Variants in CYP3A7 observed in about 807,000 individuals in gnomAD.
The protein encoded by CYP3A7 is cytochrome P450 family 3 subfamily A member 7.
Under a neutral mutation model 55.2 loss-of-function variants are expected in CYP3A7, and 45 were observed. That is an observed-to-expected ratio of 0.82 (90% CI 0.64 to 1.05). The LOEUF is 1.05. CYP3A7 is among the 50% of genes least tolerant of loss of function. The pLI, the probability that CYP3A7 is intolerant of heterozygous loss-of-function variation, is 0.00. For synonymous variants in CYP3A7, 180 were observed against 207.4 expected (o/e 0.87, Z 1.13); for missense variants, 548 against 605.3 (o/e 0.91, Z 0.99).
rs191671806 is a variant in CYP3A7, at chr7:99,722,622, G to A, written c.166-274C>T. Reference sequence around the variant, plus strand: ...CTAAGTAACTCCTTGTCTTTCTGATGTCTCTTTGCTTTTTCATGTGTTGTC... The same window carrying A: ...CTAAGTAACTCCTTGTCTTTCTGATATCTCTTTGCTTTTTCATGTGTTGTC... On this transcript the variant is annotated intron_variant, in intron 2 of 12. Transcript: ENST00000336374. 2.4e-4 allele frequency among the ~76,000 whole-genome samples: 37 copies of A among 152,222 alleles called. No homozygotes were observed. The East Asian group carries it at 6.0e-3, about 25-fold the overall frequency.
rs756565691 is a variant in CYP3A7, at chr7:99,724,624, C to T, written c.166-2276G>A. On this transcript the variant is annotated intron_variant, in intron 2 of 12. Coordinates refer to ENST00000336374, the MANE Select transcript of CYP3A7 (RefSeq NM_000765.5). ...AATTCTTCCTCATCCTCTGCTCCCCCACCCTATAATAGAAGTATCACCTCC... is the reference window on the plus strand; with the variant it reads ...AATTCTTCCTCATCCTCTGCTCCCCTACCCTATAATAGAAGTATCACCTCC... 6.4e-4 allele frequency among the ~76,000 whole-genome samples: 97 copies of T among 152,204 alleles called. 1 individual carries two copies. Among genetic ancestry groups the T allele is most frequent in the Non-Finnish European group, 8.8e-4 (60 of 68,018 alleles).
At chr7:99,715,516 CT>C (rs1813906958) in intron 7 of CYP3A7, 1 of 561,272 alleles carries the variant, frequency 1.8e-6, no homozygotes, top group African/African-American at 1.9e-5. Context: ...AGAAAGTTGA[CT>C]AGTGGTTATA....
At chr7:99,715,549 A>G in intron 7 of CYP3A7, 1 of 804,570 alleles carries the variant, frequency 1.2e-6, no homozygotes, top group Non-Finnish European at 1.9e-6. Context: ...GATTTCTGGC[A>G]GGGGGTTGAT....
chr7:99,714,094 G>A (rs1323407486), intron 8 of CYP3A7, among the ~76,000 whole-genome samples: 1 of 152,162 alleles, frequency 6.6e-6, no homozygotes, highest in Non-Finnish European at 1.5e-5. Flanking sequence ...GGGCTCAAAT[G>A]TAACACACAC....
chr7:99,731,687 G>C (rs1814629835), intron 1 of CYP3A7, among the ~76,000 whole-genome samples: 1 of 152,176 alleles, frequency 6.6e-6, no homozygotes, highest in African/African-American at 2.4e-5. Context: ...TTCACTCTAA[G>C]CTCTGACCCT....
intron 2 of CYP3A7, 148 bp from the exon 3 acceptor site, chr7:99,722,496 A>C (rs1814243792): frequency 2.0e-6 from 2 of 987,984 alleles, no homozygotes; most frequent in Non-Finnish European, 3.0e-6. Context: ...AAGAGAAAGG[A>C]AACAAAATAG....
At chr7:99,715,983 C>T in intron 6 of CYP3A7, 77 bp from the exon 7 acceptor site, 2 of 1,610,716 alleles carry the variant, frequency 1.2e-6, no homozygotes, top group Non-Finnish European at 1.7e-6. Flanking sequence ...GCAGGAAATC[C>T]ACATGTCCAG....
chr7:99,726,125 C>T (rs921545308), intron 2 of CYP3A7, among the ~76,000 whole-genome samples: 3 of 152,134 alleles, frequency 2.0e-5, no homozygotes, highest in Non-Finnish European at 2.9e-5. Flanking sequence ...AAGCCTCCTT[C>T]GTGTCTTCCT....
At chr7:99,723,183 A>G (rs993190341) in intron 2 of CYP3A7, among the ~76,000 whole-genome samples, 3 of 152,192 alleles carry the variant, frequency 2.0e-5, no homozygotes, top group African/African-American at 7.2e-5. Context: ...GCATGGGTAC[A>G]TCCAGATGGC....
intron 2 of CYP3A7, among the ~76,000 whole-genome samples, chr7:99,728,495 C>G (rs1476908133): frequency 3.3e-5 from 5 of 152,224 alleles, no homozygotes; most frequent in Non-Finnish European, 5.9e-5. Context: ...CCCTAAGAGT[C>G]TGGGTGCAAG....
rs527856208 is a variant in CYP3A7 at position 99,734,230 on chromosome 7, G to T, written c.71+793C>A. Among the ~76,000 whole-genome samples the T allele has an allele frequency of 3.3e-4, 50 of 152,292 alleles. 1 individual carries two copies. In the South Asian group the frequency reaches 8.9e-3, roughly 27 times the overall value. On this transcript the variant is annotated intron_variant, in intron 1 of 12. Transcript: ENST00000336374. ...GTATTTTCTGTTTCCATGTGACCAT[G>T]ATTCCTTACTCTTAATAACTGTGAA...
At chr7:99,727,986 A>G (rs1814478894) in intron 2 of CYP3A7, among the ~76,000 whole-genome samples, 1 of 152,258 alleles carries the variant, frequency 6.6e-6, no homozygotes, top group Non-Finnish European at 1.5e-5. Context: ...AAAGGGCCTC[A>G]GACCCCATTG....
At position 99,707,700 on chromosome 7, in the gene CYP3A7, C is replaced by T; in HGVS notation, c.1416+112G>A. 3.3e-6 allele frequency: 5 copies of T among 1,524,936 alleles called. 1 individual carries two copies. The highest frequency in any genetic ancestry group is 3.7e-4 in the Middle Eastern group (2 of 5,382). The allele number at this position is 1,524,936 out of a possible 1,614,324, so 94.5% of individuals were successfully genotyped here. A position where few individuals can be genotyped will look rare whatever the true frequency, so the allele number is the denominator to read the frequency against. On this transcript the variant is annotated intron_variant, in intron 12 of 12. Coordinates refer to ENST00000336374, the MANE Select transcript of CYP3A7 (RefSeq NM_000765.5). ...GATGGGTCCAAATAGATTCCTTGGC[C>T]CATAGAACAAATTATTAAAAGATTA...
chr7:99,734,948 G>T, intron 1 of CYP3A7, 75 bp downstream of exon 1: 1 of 1,606,238 alleles, frequency 6.2e-7, no homozygotes, highest in Admixed American at 1.7e-5. Flanking sequence ...ATTCAAAACA[G>T]ATAAGGGAAA....
chr7:99,732,981 C>T (rs1419993596), intron 1 of CYP3A7, among the ~76,000 whole-genome samples: 5 of 152,178 alleles, frequency 3.3e-5, no homozygotes, highest in Non-Finnish European at 7.3e-5. Flanking sequence ...CTGTACAAAT[C>T]CAGTGACTCT....
rs539208440 is a variant in CYP3A7, at chr7:99,731,679, C to G, written c.72-527G>C. 2.0e-5 allele frequency among the ~76,000 whole-genome samples: 3 copies of G among 152,342 alleles called. No homozygotes were observed. The South Asian group carries it at 6.2e-4, about 32-fold the overall frequency. On this transcript the variant is annotated intron_variant, in intron 1 of 12. Coordinates refer to ENST00000336374, the MANE Select transcript of CYP3A7 (RefSeq NM_000765.5). ...CTCAGAGGCTTTTAAGCTTTCCCTT[C>G]ACTCTAAGCTCTGACCCTGTTTTAG...
At chr7:99,711,739 G>T (rs1165074329) in intron 9 of CYP3A7, among the ~76,000 whole-genome samples, 2 of 152,092 alleles carry the variant, frequency 1.3e-5, no homozygotes, top group African/African-American at 4.8e-5. Context: ...TTGCACTCCA[G>T]CCTGGGCAAC....
Position 99,735,147 on chromosome 7 carries a change from T to C in CYP3A7, c.-54A>G. On this transcript the variant is annotated 5_prime_UTR_variant, in exon 1 of 13. Transcript: ENST00000336374. ...CTGAGTCTTTTTTTCAGCAGCGTGC[T>C]GCTGTTTGCTGGGCTGTGTGTGTGG... 6.2e-7 allele frequency: 1 copy of C among 1,609,336 alleles called. No homozygotes were observed. Among genetic ancestry groups the C allele is most frequent in the Non-Finnish European group, 8.5e-7 (1 of 1,176,630 alleles).
At chr7:99,710,696 A>G (rs1563019594) in intron 10 of CYP3A7, 36 bp downstream of exon 10, 3 of 1,613,466 alleles carry the variant, frequency 1.9e-6, no homozygotes, top group Non-Finnish European at 2.5e-6. Context: ...CTAAGGCTTC[A>G]CCTCCTCCCT....
Sources: allele counts gnomAD v4.1 joint callset (sites outside exome capture counted in the v4.1 genomes callset), GRCh38; gene constraint gnomAD v4.1.1; transcripts MANE v1.5; gene names NCBI Gene and HGNC (gene_info 2026-07-23, HGNC 2026-07-21).